The following KPNA3 variants were observed in gnomAD, a reference collection of about 807,000 sequenced individuals.
KPNA3 encodes the protein importin subunit alpha-4.
A neutral mutation model predicts 73.8 loss-of-function variants in KPNA3; 13 were observed. That is an observed-to-expected ratio of 0.18 (90% CI 0.11 to 0.28). The LOEUF (loss-of-function observed/expected upper bound fraction) is 0.28, where lower values mean the gene tolerates loss of function less well. KPNA3 is among the 10% of genes least tolerant of loss of function. The pLI, the probability that KPNA3 is intolerant of heterozygous loss-of-function variation, is 1.00. For synonymous variants in KPNA3, 186 were observed against 206.9 expected (o/e 0.90, Z 0.87); for missense variants, 360 against 618.1 (o/e 0.58, Z 4.43).
chr13:49,764,921 C>A (rs1954797249), intron 1 of KPNA3, among the ~76,000 whole-genome samples: 1 of 152,212 alleles, frequency 6.6e-6, no homozygotes, highest in African/African-American at 2.4e-5. Context: ...TTATCAGCAA[C>A]CTTCTATTCA....
intron 12 of KPNA3, among the ~76,000 whole-genome samples, chr13:49,707,698 TA>T (rs144789423): frequency 0.22 from 32,105 of 146,338 alleles, 3,515 homozygotes; most frequent in South Asian, 0.39. Context: ...TTCATTTAGC[TA>T]AAAAAAAAAA....
chr13:49,735,906 T>C (rs968316811), intron 2 of KPNA3, among the ~76,000 whole-genome samples: 1 of 152,202 alleles, frequency 6.6e-6, no homozygotes, highest in Non-Finnish European at 1.5e-5. Context: ...TTAAACTCTA[T>C]ATAAAGTACT....
At chr13:49,791,917 C>A (rs1034294901) in intron 1 of KPNA3, among the ~76,000 whole-genome samples, 1 of 152,250 alleles carries the variant, frequency 6.6e-6, no homozygotes, top group African/African-American at 2.4e-5. Flanking sequence ...GGTCCCCACC[C>A]CCCTCTGCGG....
rs1177487612 is a variant in KPNA3, at chr13:49,706,053, T to C, written c.1209+45A>G. On this transcript the variant is annotated intron_variant, in intron 14 of 16. Transcript: ENST00000261667. ...TACGAAACATAAGAGAGCAGCATGC[T>C]TTCCAGTATTAACAATCATGACAGT... 2.0e-6 allele frequency: 3 copies of C among 1,513,464 alleles called. No individual in the cohort carries two copies. The African/African-American group carries it at 4.2e-5, about 21-fold the overall frequency. The allele number at this position is 1,513,464 out of a possible 1,614,324, so 93.8% of individuals were successfully genotyped here. A position where few individuals can be genotyped will look rare whatever the true frequency, so the allele number is the denominator to read the frequency against.
intron 1 of KPNA3, among the ~76,000 whole-genome samples, chr13:49,778,059 T>C (rs1435197712): frequency 6.6e-6 from 1 of 152,174 alleles, no homozygotes; most frequent in East Asian, 1.9e-4. Context: ...TGTCTTACCT[T>C]TTAGGCATAC....
At chr13:49,744,622 G>A (rs1238355819) in intron 2 of KPNA3, among the ~76,000 whole-genome samples, 1 of 152,124 alleles carries the variant, frequency 6.6e-6, no homozygotes, top group African/African-American at 2.4e-5. Flanking sequence ...ACAGGTGCGT[G>A]CCACCACACC....
At chr13:49,719,683 C>A in intron 10 of KPNA3, 92 bp downstream of exon 10, 1 of 852,152 alleles carries the variant, frequency 1.2e-6, no homozygotes, top group Admixed American at 2.2e-5. Context: ...AGAAACTTGA[C>A]AAGTTGATAA....
At chr13:49,791,963 G>A (rs572019678) in intron 1 of KPNA3, among the ~76,000 whole-genome samples, 1 of 152,236 alleles carries the variant, frequency 6.6e-6, no homozygotes, top group Non-Finnish European at 1.5e-5. Context: ...CTCGCAGAAG[G>A]TAGGAGCCCG....
rs143641829 is a variant in KPNA3 at position 49,731,249 on chromosome 13, G to GTTT, written c.383+1119_383+1121dup. ...GCCACCATGCCTGGCTAATTTTCGT[G>GTTT]TTTTTTTTTTTTTTTTTTTTGTAGA... On this transcript the variant is annotated intron_variant, in intron 6 of 16. Coordinates refer to ENST00000261667, the MANE Select transcript of KPNA3 (RefSeq NM_002267.4). Among the ~76,000 whole-genome samples, 216 of 102,208 alleles carry GTTT rather than the reference G, an allele frequency of 2.1e-3. 2 individuals carry two copies. The highest frequency in any genetic ancestry group is 4.3e-3 in the East Asian group (13 of 3,000). The allele number at this position is 102,208 out of a possible 152,430, so 67.1% of individuals were successfully genotyped here.
chr13:49,770,099 GTTC>G (rs1212557724), intron 1 of KPNA3, among the ~76,000 whole-genome samples: 4 of 148,692 alleles, frequency 2.7e-5, no homozygotes, highest in Non-Finnish European at 5.9e-5. Context: ...TTCAGCTGTA[GTTC>G]TTTACAAATT....
chr13:49,766,305 T>C (rs1954807559), intron 1 of KPNA3, among the ~76,000 whole-genome samples: 1 of 152,206 alleles, frequency 6.6e-6, no homozygotes. Flanking sequence ...ATTTTTGTAG[T>C]ACTTCTTAAT....
chr13:49,771,698 C>T (rs1436933931), intron 1 of KPNA3, among the ~76,000 whole-genome samples: 1 of 152,168 alleles, frequency 6.6e-6, no homozygotes, highest in African/African-American at 2.4e-5. Flanking sequence ...GGAGGCTCTA[C>T]TGCTCATCAT....
intron 1 of KPNA3, among the ~76,000 whole-genome samples, chr13:49,774,134 C>A (rs191742763): frequency 3.3e-5 from 5 of 151,666 alleles, no homozygotes; most frequent in Non-Finnish European, 7.4e-5. Flanking sequence ...CAAACTCCTG[C>A]GCTCAAGTGA....
At chr13:49,776,204 C>T (rs9596194) in intron 1 of KPNA3, among the ~76,000 whole-genome samples, 18,135 of 152,160 alleles carry the variant, frequency 0.12, 2,174 homozygotes, top group East Asian at 0.58. Context: ...GCATGAGCTA[C>T]CACGCCAGGC....
chr13:49,713,763 G>C (rs531697105), intron 10 of KPNA3, among the ~76,000 whole-genome samples: 1 of 152,004 alleles, frequency 6.6e-6, no homozygotes, highest in African/African-American at 2.4e-5. Context: ...GGGTGTAGTA[G>C]CACAATCTTG....
At chr13:49,779,332 T>G (rs1373955308) in intron 1 of KPNA3, among the ~76,000 whole-genome samples, 1 of 152,180 alleles carries the variant, frequency 6.6e-6, no homozygotes, top group African/African-American at 2.4e-5. Flanking sequence ...TATTACCTCT[T>G]AGACCCTTCA....
chr13:49,787,168 T>A (rs1171260577), intron 1 of KPNA3, among the ~76,000 whole-genome samples: 1 of 152,160 alleles, frequency 6.6e-6, no homozygotes, highest in Non-Finnish European at 1.5e-5. Flanking sequence ...AAAATATATA[T>A]TAGCCCTGGT....
At chr13:49,763,235 A>G (rs1954783136) in intron 1 of KPNA3, among the ~76,000 whole-genome samples, 1 of 152,192 alleles carries the variant, frequency 6.6e-6, no homozygotes, top group African/African-American at 2.4e-5. Flanking sequence ...TGAGATATGA[A>G]AAAATAATTA....
chr13:49,739,894 T>C (rs1954557610), intron 2 of KPNA3, among the ~76,000 whole-genome samples: 1 of 152,200 alleles, frequency 6.6e-6, no homozygotes, highest in Non-Finnish European at 1.5e-5. Flanking sequence ...AAAAATTCTA[T>C]ATATGTATTG....
Sources: allele counts gnomAD v4.1 joint callset (sites outside exome capture counted in the v4.1 genomes callset), GRCh38; gene constraint gnomAD v4.1.1; transcripts MANE v1.5; gene names NCBI Gene and HGNC (gene_info 2026-07-23, HGNC 2026-07-21).